Variants in HNRNPA2B1 observed in about 807,000 individuals in gnomAD.
HNRNPA2B1 encodes the protein heterogeneous nuclear ribonucleoproteins A2/B1.
In HNRNPA2B1, 3 loss-of-function variants were observed where a neutral mutation model predicts 46.3. The ratio of observed to expected loss-of-function variants is 0.06; its 90% CI spans 0.03 to 0.17. The LOEUF (loss-of-function observed/expected upper bound fraction) is 0.17, where lower values mean the gene tolerates loss of function less well. Ranked by LOEUF, HNRNPA2B1 falls within the 10% of genes least tolerant of loss-of-function variation. The pLI is 1.00. For synonymous variants in HNRNPA2B1, 225 were observed against 133.8 expected (o/e 1.68, Z -4.70); for missense variants, 221 against 418.9 (o/e 0.53, Z 4.12).
Position 26,196,496 on chromosome 7 carries a change from C to T in HNRNPA2B1, c.578-15G>A. 2 of 1,613,940 alleles carry T rather than the reference C, an allele frequency of 1.2e-6. No homozygotes were observed. The highest frequency in any genetic ancestry group is 1.7e-6 in the Non-Finnish European group (2 of 1,179,872). On this transcript the variant is annotated splice_polypyrimidine_tract_variant and intron_variant, in intron 5 of 10. Coordinates refer to ENST00000618183, the MANE Select transcript of HNRNPA2B1 (RefSeq NM_002137.4). The stretch of plus-strand genomic sequence containing the variant: ...GCCAAAGTTGCCTACAATAAATGCC[C>T]CAGTTAGAAGCAAGCCCTTATATAT...
Position 26,190,130 on chromosome 7 carries a change from A to G in HNRNPA2B1, c.*2230T>C, listed in dbSNP as rs2128102980. 6.5e-6 allele frequency: 1 copy of G among 152,766 alleles called. No homozygotes were observed. The highest frequency in any genetic ancestry group is 2.1e-4 in the South Asian group (1 of 4,834). 9.5% of individuals were successfully genotyped at this position (152,766 alleles called of 1,614,324 possible). A position where few individuals can be genotyped will look rare whatever the true frequency, so the allele number is the denominator to read the frequency against. ...TGTAAACATTACACCAAGTATTTGGATACAAAAAGTATTTATTTTATAAAC... is the reference window on the plus strand; with the variant it reads ...TGTAAACATTACACCAAGTATTTGGGTACAAAAAGTATTTATTTTATAAAC... On this transcript the variant is annotated 3_prime_UTR_variant, in exon 11 of 11. Coordinates refer to ENST00000618183, the MANE Select transcript of HNRNPA2B1 (RefSeq NM_002137.4).
In HNRNPA2B1 at chr7:26,191,734, C is replaced by A. The variant is rs193027274; in HGVS notation, c.*626G>T. The A allele has an allele frequency of 1.3e-5, 2 of 152,456 alleles. No homozygotes were observed. The highest frequency in any genetic ancestry group is 4.8e-5 in the African/African-American group (2 of 41,582). The allele number at this position is 152,456 out of a possible 1,614,324, so 9.4% of individuals were successfully genotyped here. On this transcript the variant is annotated 3_prime_UTR_variant, in exon 11 of 11. Coordinates refer to ENST00000618183, the MANE Select transcript of HNRNPA2B1 (RefSeq NM_002137.4). ...TGATGAATTGCAGACAACACACTTACATCTGACCAGCATTTATCTTATACA... is the reference window on the plus strand; with the variant it reads ...TGATGAATTGCAGACAACACACTTAAATCTGACCAGCATTTATCTTATACA...
In HNRNPA2B1 at chr7:26,200,655, G is replaced by A. The variant is rs944965205; in HGVS notation, c.-78C>T. 1.4e-5 allele frequency: 22 copies of A among 1,582,164 alleles called. No individual in the cohort carries two copies. The highest frequency in any genetic ancestry group is 4.0e-5 in the African/African-American group (3 of 74,304). On this transcript the variant is annotated 5_prime_UTR_variant, in exon 1 of 11. Transcript: ENST00000618183. ...GATCTCCGCGGACGAACACGAACCG[G>A]ACTCGTCCTGGCGCTGTAGTGAGAA...
chr7:26,200,711 G>T lies in HNRNPA2B1; in HGVS notation c.-134C>A. ...GCTGCTCGAGAAACAACTCTGCGAG[G>T]AGCACCTCCGCACGGGACCCGGCGC... is the stretch of plus-strand genomic sequence containing the variant. On this transcript the variant is annotated 5_prime_UTR_variant, in exon 1 of 11. Transcript: ENST00000618183. The T allele has an allele frequency of 8.9e-7, 1 of 1,125,674 alleles. No individual in the cohort carries two copies. Among genetic ancestry groups the T allele is most frequent in the Non-Finnish European group, 1.3e-6 (1 of 746,690 alleles). 69.7% of individuals were successfully genotyped at this position (1,125,674 alleles called of 1,614,324 possible).
chr7:26,198,298 A>C (rs1783899833), intron 1 of HNRNPA2B1: 1 of 154,266 alleles, frequency 6.5e-6, no homozygotes, highest in Non-Finnish European at 1.4e-5. Flanking sequence ...AACTTTTTAC[A>C]ACAAACACTA....
At chr7:26,192,726 G>A (rs1198527834) in intron 9 of HNRNPA2B1, 149 bp from the exon 10 acceptor site, 9 of 679,424 alleles carry the variant, frequency 1.3e-5, no homozygotes, top group Admixed American at 7.6e-5. Context: ...AATTACTCAG[G>A]AGATAAATTA....
Position 26,197,712 on chromosome 7 carries a change from A to T in HNRNPA2B1, c.27T>A (p.Arg9=). 1 of 1,613,812 alleles carries T rather than the reference A, an allele frequency of 6.2e-7. No homozygotes were observed. Among genetic ancestry groups the T allele is most frequent in the South Asian group, 1.1e-5 (1 of 91,044 alleles). Residue 9 remains arginine, a synonymous_variant, in exon 2 of 11, where the codon CGT becomes CGA. Transcript: ENST00000618183. MEREKEQF[R]KLFIGGLSFE... is the part of the protein sequence containing the mutation. ...AGCTTAAGCCACCAATAAAGAGCTT[A>T]CGGAACTGTTCCTTTTCTCTCTGCA...
At chr7:26,192,610 C>T in intron 9 of HNRNPA2B1, 33 bp from the exon 10 acceptor site, 1 of 1,567,502 alleles carries the variant, frequency 6.4e-7, no homozygotes. Flanking sequence ...AGAAAACAAA[C>T]TTACTTTGAT....
rs1236732940 is a variant in HNRNPA2B1, at chr7:26,196,955, T to C, written c.327A>G (p.Glu109=). 6.2e-7 allele frequency: 1 copy of C among 1,613,886 alleles called. No individual in the cohort carries two copies. The highest frequency in any genetic ancestry group is 1.1e-5 in the South Asian group (1 of 91,080). ...VKKLFVGGIK[E]DTEEHHLRDY... is the part of the protein sequence containing the mutation. ...CTCTAAGGTGATGTTCCTCAGTATCTTCTTTAATTCCGCCAACAAACAGCT... is the reference window on the plus strand; with the variant it reads ...CTCTAAGGTGATGTTCCTCAGTATCCTCTTTAATTCCGCCAACAAACAGCT... The change falls in exon 4 of 11, where the codon GAA becomes GAG. Residue 109 remains glutamate (E), a synonymous_variant. Coordinates refer to ENST00000618183, the MANE Select transcript of HNRNPA2B1 (RefSeq NM_002137.4).
chr7:26,198,909 A>T (rs1784004846), intron 1 of HNRNPA2B1: 2 of 152,184 alleles, frequency 1.3e-5, no homozygotes, highest in Admixed American at 1.3e-4. Flanking sequence ...AACTCCTAAA[A>T]AGTAGTGGTA....
Position 26,195,908 on chromosome 7 carries a change from A to C in HNRNPA2B1, c.660T>G (p.Asp220Glu). ...CAAATCCACGTCCACTGCCATATCC[A>C]TCTGTTAGGGGCCAAAAAAAGATTA... ...GPGSNFRGGS[D>E]GYGSGRGFGD... is the part of the protein sequence containing the mutation. Residue 220 changes from aspartate (D) to glutamate (E), a missense_variant and splice_region_variant, in exon 7 of 11, where the codon GAT becomes GAG. Asp to Glu is a conservative substitution (Grantham distance 45). Coordinates refer to ENST00000618183, the MANE Select transcript of HNRNPA2B1 (RefSeq NM_002137.4). 6 of 1,605,922 alleles carry C rather than the reference A, an allele frequency of 3.7e-6. No individual in the cohort carries two copies. Among genetic ancestry groups the C allele is most frequent in the Non-Finnish European group, 5.1e-6 (6 of 1,177,754 alleles).
rs769678433 is a variant in HNRNPA2B1, at chr7:26,192,612, T to A, written c.965-35A>T. The A allele has an allele frequency of 3.9e-6, 6 of 1,547,964 alleles. No individual in the cohort carries two copies. In the African/African-American group the frequency reaches 4.1e-5, roughly 11 times the overall value. On this transcript the variant is annotated intron_variant, in intron 9 of 10. Transcript: ENST00000618183. ...TTGGAACAGCAAGAGAAAACAAACT[T>A]ACTTTGATTTCCCATGATCAGCCTA...
intron 7 of HNRNPA2B1, among the ~76,000 whole-genome samples, chr7:26,194,955 G>A (rs1029436815): frequency 1.3e-5 from 2 of 151,414 alleles, no homozygotes; most frequent in African/African-American, 2.4e-5. Flanking sequence ...TTAGCTGGGC[G>A]TGGTGGTGCA....
At position 26,191,585 on chromosome 7, in the gene HNRNPA2B1, T is replaced by C. The variant is rs980465982; in HGVS notation, c.*775A>G. The C allele has an allele frequency of 6.6e-6, 1 of 152,220 alleles. No individual in the cohort carries two copies. The highest frequency in any genetic ancestry group is 2.4e-5 in the African/African-American group (1 of 41,454). The allele number at this position is 152,220 out of a possible 1,614,324, so 9.4% of individuals were successfully genotyped here. ...AGAGTTCTCTTGTACTAGACCTGTG[T>C]CCCTGAAGAGTACCTCGCTGGGGTT... On this transcript the variant is annotated 3_prime_UTR_variant, in exon 11 of 11. Coordinates refer to ENST00000618183, the MANE Select transcript of HNRNPA2B1 (RefSeq NM_002137.4).
chr7:26,193,062 A>C (rs1039039185), intron 9 of HNRNPA2B1, among the ~76,000 whole-genome samples, 189 bp downstream of exon 9: 1 of 152,052 alleles, frequency 6.6e-6, no homozygotes, highest in Non-Finnish European at 1.5e-5. Flanking sequence ...CCTAATCCCA[A>C]TTTGATGTCA....
intron 9 of HNRNPA2B1, 91 bp from the exon 10 acceptor site, chr7:26,192,668 C>G (rs1483898871): frequency 8.5e-6 from 9 of 1,064,080 alleles, no homozygotes; most frequent in Non-Finnish European, 1.2e-5. Flanking sequence ...TTATATCCAT[C>G]CAGTCTTTTA....
intron 1 of HNRNPA2B1, chr7:26,198,893 G>GC (rs1032318521): frequency 6.6e-6 from 1 of 152,128 alleles, no homozygotes; most frequent in Non-Finnish European, 1.5e-5. Context: ...CCATTCGCAT[G>GC]CTCCCAACTC....
At chr7:26,196,762 T>A in intron 4 of HNRNPA2B1, 45 bp downstream of exon 4, 6 of 1,580,920 alleles carry the variant, frequency 3.8e-6, no homozygotes, top group Non-Finnish European at 5.2e-6. Flanking sequence ...TACACAAAAT[T>A]GAATACACTG....
chr7:26,197,634 A>T lies in HNRNPA2B1; in HGVS notation c.105T>A (p.Leu35=). 1 of 1,612,482 alleles carries T rather than the reference A, an allele frequency of 6.2e-7. No homozygotes were observed. Among genetic ancestry groups the T allele is most frequent in the Non-Finnish European group, 8.5e-7 (1 of 1,178,580 alleles). Residue 35 remains leucine (L), a synonymous_variant, in exon 2 of 11, where the codon CTT becomes CTA. Coordinates refer to ENST00000618183, the MANE Select transcript of HNRNPA2B1 (RefSeq NM_002137.4). ...GTAATTTACATACCACACAGTCTGT[A>T]AGCTTTCCCCATTGTTCGTAGTAGT... ...LRNYYEQWGK[L]TDCVVMRDPA... is the part of the protein sequence containing the mutation.
Sources: gnomAD v4.1 joint callset for allele counts (sites outside exome capture counted in the v4.1 genomes callset) on GRCh38, gnomAD v4.1.1 for gene constraint, MANE v1.5 for transcripts, NCBI Gene and HGNC (gene_info 2026-07-23, HGNC 2026-07-21) for gene names.